Variants in GSE1 observed in about 807,000 individuals in gnomAD.
The protein encoded by GSE1 is Gse1 coiled-coil protein, also known as genetic suppressor element 1.
In GSE1, 32 loss-of-function variants were observed where a neutral mutation model predicts 112.6. That is an observed-to-expected ratio of 0.28 (90% CI 0.21 to 0.38). The LOEUF is 0.38. Ranked by LOEUF, GSE1 falls within the 10% of genes least tolerant of loss-of-function variation. The pLI is 1.00. For synonymous variants in GSE1, 1,115 were observed against 735.6 expected (o/e 1.52, Z -8.35); for missense variants, 2,348 against 1,699.2 (o/e 1.38, Z -6.71).
rs1210779798 is a variant in GSE1 at position 85,528,035 on chromosome 16, CA to C, written c.2465-105878del. 2.0e-5 allele frequency among the ~76,000 whole-genome samples: 3 copies of C among 152,126 alleles called. No individual in the cohort carries two copies. In the East Asian group the frequency reaches 5.8e-4, roughly 29 times the overall value. ...AGACGAGGACAGCTGCAGAGGTGGG[CA>C]GGGGTGTGGGGGGGCCCCAGCATCA... On this transcript the variant is annotated intron_variant, in intron 2 of 2. Transcript: ENST00000637419.
upstream of GSE1, among the ~76,000 whole-genome samples, chr16:85,551,687 C>G (rs141708153): frequency 9.8e-5 from 15 of 152,336 alleles, no homozygotes; most frequent in Non-Finnish European, 2.1e-4. Context: ...GTCCCTGTCA[C>G]CAGGAAATGT....
At chr16:85,558,229 CATGCTGT>C (rs2045332800) in intron 1 of GSE1, among the ~76,000 whole-genome samples, 1 of 152,222 alleles carries the variant, frequency 6.6e-6, no homozygotes, top group Non-Finnish European at 1.5e-5. Context: ...AACAGATCCT[CATGCTGT>C]ATCTGGGTTT....
intron 2 of GSE1, among the ~76,000 whole-genome samples, chr16:85,546,936 C>T (rs1038873622): frequency 4.6e-5 from 7 of 152,178 alleles, no homozygotes; most frequent in Non-Finnish European, 1.0e-4. Context: ...CGATGATCTC[C>T]GGGGGCCAGG....
At chr16:85,642,951 C>T (rs968019461) in intron 2 of GSE1, among the ~76,000 whole-genome samples, 1 of 152,152 alleles carries the variant, frequency 6.6e-6, no homozygotes, top group East Asian at 1.9e-4. Context: ...GGAGAGTGGT[C>T]CTGTGGCGTG....
intron 3 of GSE1, among the ~76,000 whole-genome samples, chr16:85,650,984 A>T (rs1458513057): frequency 2.0e-5 from 3 of 150,082 alleles, no homozygotes; most frequent in Non-Finnish European, 4.5e-5. Flanking sequence ...CGCCTGTCTG[A>T]CTATGGAACC....
chr16:85,182,120 C>T lies in GSE1; in HGVS notation c.2283+10313C>T, dbSNP rs375119807. On this transcript the variant is annotated intron_variant, in intron 1 of 2. Coordinates refer to the GSE1 transcript ENST00000637419. The stretch of plus-strand genomic sequence containing the variant: ...GTTCACACCAAGCATGGGGGACGCA[C>T]GGTGGACAGCGAGGGCTCCTGGGAA... 4.6e-4 allele frequency among the ~76,000 whole-genome samples: 70 copies of T among 152,274 alleles called. 2 individuals carry two copies. In the South Asian group the frequency reaches 8.1e-3, roughly 18 times the overall value.
intron 2 of GSE1, among the ~76,000 whole-genome samples, chr16:85,494,128 G>A (rs1391265335): frequency 5.3e-5 from 8 of 152,212 alleles, no homozygotes; most frequent in South Asian, 4.1e-4. Flanking sequence ...AACTTACCCC[G>A]AACAGAGGGG....
At chr16:85,174,787 G>A (rs1369994152) in intron 1 of GSE1, among the ~76,000 whole-genome samples, 2 of 152,264 alleles carry the variant, frequency 1.3e-5, no homozygotes, top group South Asian at 2.1e-4. Flanking sequence ...CTGGGAATGA[G>A]AGCTGGGGCT....
intron 1 of GSE1, among the ~76,000 whole-genome samples, chr16:85,183,781 G>A (rs2074644663): frequency 6.6e-6 from 1 of 152,202 alleles, no homozygotes; most frequent in Non-Finnish European, 1.5e-5. Context: ...GCTCAGAGAG[G>A]TGGAGACACG....
intron 1 of GSE1, among the ~76,000 whole-genome samples, chr16:85,321,990 C>T (rs1204205581): frequency 6.6e-5 from 10 of 152,202 alleles, no homozygotes; most frequent in Non-Finnish European, 1.2e-4. Context: ...CCGTGTCCAC[C>T]CACTGAGCCT....
chr16:85,623,567 C>T (rs953037462), intron 1 of GSE1, among the ~76,000 whole-genome samples: 4 of 152,186 alleles, frequency 2.6e-5, no homozygotes, highest in African/African-American at 4.8e-5. Flanking sequence ...TGTGTTCCCT[C>T]GAGGCCCCAC....
At position 85,250,502 on chromosome 16, in the gene GSE1, A is replaced by G. The variant is rs1045904122; in HGVS notation, c.2283+78695A>G. Among the ~76,000 whole-genome samples the G allele has an allele frequency of 2.0e-5, 3 of 152,220 alleles. No homozygotes were observed. The South Asian group carries it at 6.2e-4, about 31-fold the overall frequency. ...CCGACCCCCTACCGCTCTGTCTGCA[A>G]GCCCCTTGCCATGGAGACCCCAAGC... On this transcript the variant is annotated intron_variant, in intron 1 of 2. Coordinates refer to the GSE1 transcript ENST00000637419.
rs751674746 is a variant in GSE1, at chr16:85,656,568, G to A, written c.1215G>A (p.Glu405=). The A allele has an allele frequency of 2.6e-6, 4 of 1,547,686 alleles. No homozygotes were observed. Among genetic ancestry groups the A allele is most frequent in the Non-Finnish European group, 2.6e-6 (3 of 1,146,008 alleles). Reference sequence around the variant, plus strand: ...AGCTGCTGGCCGCCAAGGCCCTGGAGCCCAGCTTCCTGCCCGTGGCCGAGC... The same window carrying A: ...AGCTGCTGGCCGCCAAGGCCCTGGAACCCAGCTTCCTGCCCGTGGCCGAGC... ...EKELLAAKAL[E]PSFLPVAELH... Residue 405 remains glutamate (E), a synonymous_variant, in exon 7 of 16, where the codon GAG becomes GAA. Transcript: ENST00000253458.
intron 2 of GSE1, among the ~76,000 whole-genome samples, chr16:85,375,630 A>T (rs1334219180): frequency 1.3e-5 from 2 of 151,864 alleles, no homozygotes; most frequent in East Asian, 3.9e-4. Context: ...TGGAGACTGG[A>T]GTTTGGACAC....
intron 1 of GSE1, among the ~76,000 whole-genome samples, chr16:85,621,955 A>C (rs1021001027): frequency 6.6e-6 from 1 of 152,094 alleles, no homozygotes; most frequent in Non-Finnish European, 1.5e-5. Context: ...CTTTGTTACC[A>C]GTCTTGGTGG....
At chr16:85,268,909 G>T (rs1597241121) in intron 1 of GSE1, among the ~76,000 whole-genome samples, 1 of 149,980 alleles carries the variant, frequency 6.7e-6, no homozygotes, top group Admixed American at 6.6e-5. Context: ...CTTGAGGGGG[G>T]ACCAGGGGGC....
chr16:85,356,421 C>T (rs1256969136), intron 1 of GSE1, among the ~76,000 whole-genome samples: 1 of 152,230 alleles, frequency 6.6e-6, no homozygotes, highest in African/African-American at 2.4e-5. Flanking sequence ...GGTCAGTGGC[C>T]AGTGTTGCCA....
intron 1 of GSE1, among the ~76,000 whole-genome samples, chr16:85,346,462 T>C (rs1450228054): frequency 1.5e-5 from 2 of 131,862 alleles, no homozygotes; most frequent in African/African-American, 5.8e-5. Flanking sequence ...GATGGGCTGA[T>C]GGGTGGATGA....
intron 2 of GSE1, among the ~76,000 whole-genome samples, chr16:85,483,564 C>T (rs1233748461): frequency 2.0e-5 from 3 of 152,386 alleles, no homozygotes; most frequent in East Asian, 3.9e-4. Context: ...TTCCACCAGG[C>T]GATGCCCAGG....
Sources: allele counts gnomAD v4.1 joint callset (sites outside exome capture counted in the v4.1 genomes callset), GRCh38; gene constraint gnomAD v4.1.1; transcripts MANE v1.5; gene names NCBI Gene and HGNC (gene_info 2026-07-23, HGNC 2026-07-21).